Variants in NFXL1 observed in about 807,000 individuals in gnomAD.
NFXL1 encodes NF-X1-type zinc finger protein NFXL1.
A neutral mutation model predicts 123.3 loss-of-function variants in NFXL1; 66 were observed. The ratio of observed to expected loss-of-function variants is 0.54; its 90% CI spans 0.44 to 0.66. NFXL1 has a LOEUF of 0.66. Among genes scored for constraint, NFXL1 ranks in the 30% least tolerant of loss-of-function variants. NFXL1 has a pLI of 0.00. For missense variants in NFXL1, 944 were observed against 1,125.6 expected, an observed-to-expected ratio of 0.84 and a Z score of 2.31; for synonymous variants, 346 against 360.8, an observed-to-expected ratio of 0.96 and a Z score of 0.46.
intron 3 of NFXL1, 79 bp from the exon 4 acceptor site, chr4:47,905,425 G>GT (rs1277650320): frequency 5.7e-6 from 4 of 700,080 alleles, no homozygotes; most frequent in Non-Finnish European, 1.0e-5. Flanking sequence ...ACCATATTAT[G>GT]TAAGAACTGT....
chr4:47,878,962 A>G, intron 16 of NFXL1, 134 bp downstream of exon 16: 1 of 586,272 alleles, frequency 1.7e-6, no homozygotes, highest in East Asian at 3.3e-5. Context: ...ATTAGTAGAT[A>G]AACTCTTGTA....
At chr4:47,906,458 TG>T (rs1410369434) in intron 3 of NFXL1, among the ~76,000 whole-genome samples, 6 of 152,122 alleles carry the variant, frequency 3.9e-5, no homozygotes, top group African/African-American at 1.4e-4. Context: ...TACAAAAGCT[TG>T]CCCTACCATA....
At chr4:47,871,417 G>C (rs1221616178) in intron 18 of NFXL1, among the ~76,000 whole-genome samples, 1 of 151,754 alleles carries the variant, frequency 6.6e-6, no homozygotes, top group Non-Finnish European at 1.5e-5. Flanking sequence ...CTATGCTCTA[G>C]AATACTTTAT....
At chr4:47,896,690 TATTA>T in intron 9 of NFXL1, 43 bp from the exon 10 acceptor site, 6 of 1,417,772 alleles carry the variant, frequency 4.2e-6, no homozygotes, top group Non-Finnish European at 5.9e-6. Flanking sequence ...GAGACATTAT[TATTA>T]AACATCAACA....
chr4:47,900,196 A>G (rs1737299624), intron 5 of NFXL1, among the ~76,000 whole-genome samples: 2 of 152,078 alleles, frequency 1.3e-5, no homozygotes, highest in Non-Finnish European at 2.9e-5. Context: ...TCTAGCACAA[A>G]AAGACATATA....
At chr4:47,897,116 C>A (rs1313963731) in intron 9 of NFXL1, among the ~76,000 whole-genome samples, 3 of 151,976 alleles carry the variant, frequency 2.0e-5, no homozygotes, top group Non-Finnish European at 4.4e-5. Flanking sequence ...TCGAGGCCAG[C>A]CTGGGAAACA....
rs1198986493 is a variant in NFXL1 at position 47,914,020 on chromosome 4, T to G, written c.184A>C (p.Ser62Arg). The change falls in exon 2 of 23, where the codon AGC (serine) becomes CGC (arginine). Residue 62 changes from serine (S) to arginine (R), a missense_variant. This residue lies in a region of NFXL1 where 303 missense variants were observed against 292.1 expected (regional missense o/e 1.04). Coordinates refer to ENST00000507489, the MANE Select transcript of NFXL1 (RefSeq NM_001278624.2). ...GGVATTAAAG[S>R]RHSPAGSQAL... The stretch of plus-strand genomic sequence containing the variant: ...TGGGATCCTGCGGGGCTGTGCCTGC[T>G]CCCTGCAGCCGCCGTGGTCGCGACT... 6.5e-7 allele frequency: 1 copy of G among 1,548,700 alleles called. No homozygotes were observed. The highest frequency in any genetic ancestry group is 2.0e-5 in the Admixed American group (1 of 51,004).
At chr4:47,898,570 T>G (rs1737225995) in intron 8 of NFXL1, among the ~76,000 whole-genome samples, 187 bp downstream of exon 8, 1 of 152,134 alleles carries the variant, frequency 6.6e-6, no homozygotes, top group Non-Finnish European at 1.5e-5. Context: ...GAAAAAAATT[T>G]TTCCTCTAAT....
Position 47,895,678 on chromosome 4 carries a change from C to T in NFXL1, c.1329+845G>A, listed in dbSNP as rs141494637. Among the ~76,000 whole-genome samples, 448 of 152,276 alleles carry T rather than the reference C, an allele frequency of 2.9e-3. 2 individuals are homozygous for T. Among genetic ancestry groups the T allele is most frequent in the African/African-American group, 0.01 (427 of 41,542 alleles). On this transcript the variant is annotated intron_variant, in intron 10 of 22. Transcript: ENST00000507489. ...AAGGTAATATTATAGTTACTTTGAT[C>T]TTGTTTGCAGACCTCTAAATCTTCC...
intron 5 of NFXL1, among the ~76,000 whole-genome samples, chr4:47,901,546 C>G (rs1560603241): frequency 6.6e-6 from 1 of 152,106 alleles, no homozygotes; most frequent in Non-Finnish European, 1.5e-5. Context: ...AATTCCTCCA[C>G]CACCAGTAAA....
intron 20 of NFXL1, among the ~76,000 whole-genome samples, chr4:47,854,168 A>G (rs746281885): frequency 6.6e-6 from 1 of 152,184 alleles, no homozygotes; most frequent in Admixed American, 6.6e-5. Flanking sequence ...CTAGGAAAAC[A>G]TATCAGAAAC....
chr4:47,877,246 C>CA (rs984693934), intron 17 of NFXL1: 79 of 433,566 alleles, frequency 1.8e-4, no homozygotes, highest in African/African-American at 5.0e-4. Context: ...ATGGCAGAAA[C>CA]AAAAAAAATC....
chr4:47,914,215 A>AT lies in NFXL1; in HGVS notation c.-2-11_-2-10insA. On this transcript the variant is annotated splice_polypyrimidine_tract_variant and intron_variant, in intron 1 of 22. Coordinates refer to ENST00000507489, the MANE Select transcript of NFXL1 (RefSeq NM_001278624.2). ...CAGGAAGCTTCCATCCCTGCAAAGG[A>AT]GAAAAAAAAAAAAAAGAGTGGAAGG... 4.2e-6 allele frequency: 6 copies of AT among 1,416,342 alleles called. No individual in the cohort carries two copies. The highest frequency in any genetic ancestry group is 5.6e-6 in the Non-Finnish European group (6 of 1,076,344). The allele number at this position is 1,416,342 out of a possible 1,614,324, so 87.7% of individuals were successfully genotyped here. A position where few individuals can be genotyped will look rare whatever the true frequency, so the allele number is the denominator to read the frequency against.
chr4:47,908,952 CGCAA>C (rs1578043893), intron 3 of NFXL1, among the ~76,000 whole-genome samples: 3 of 60,440 alleles, frequency 5.0e-5, no homozygotes, highest in Non-Finnish European at 8.9e-5. Context: ...GAGACTCCGT[CGCAA>C]AAAAAAAAAA....
chr4:47,857,072 C>A (rs997337813), intron 19 of NFXL1, among the ~76,000 whole-genome samples: 1 of 151,996 alleles, frequency 6.6e-6, no homozygotes, highest in African/African-American at 2.4e-5. Context: ...AGTAACTAAC[C>A]CTTCCACTTC....
At chr4:47,898,486 A>C (rs570819559) in intron 8 of NFXL1, among the ~76,000 whole-genome samples, 1 of 152,278 alleles carries the variant, frequency 6.6e-6, no homozygotes, top group Non-Finnish European at 1.5e-5. Context: ...GGGGAAAGAG[A>C]AGAAGGGGAC....
At position 47,914,188 on chromosome 4, in the gene NFXL1, G is replaced by T. The variant is rs1333028858; in HGVS notation, c.16C>A (p.Arg6Ser). The T allele has an allele frequency of 1.3e-6, 2 of 1,515,474 alleles. No individual in the cohort carries two copies. The highest frequency in any genetic ancestry group is 2.1e-5 in the Admixed American group (1 of 47,954). 93.9% of individuals were successfully genotyped at this position (1,515,474 alleles called of 1,614,324 possible). The stretch of plus-strand genomic sequence containing the variant: ...CGGCCTCGGCCACCGGCCACCTGGC[G>T]CCAGGAAGCTTCCATCCCTGCAAAG... Reference protein sequence around the residue: MEASWRQVAGGRGRSR... With the variant: MEASWSQVAGGRGRSR... The change falls in exon 2 of 23, where the codon CGC (arginine) becomes AGC (serine). Residue 6 changes from arginine (R) to serine (S), a missense_variant. By Grantham distance (110) the Arg-to-Ser change is moderately radical (BLOSUM62 -1). Transcript: ENST00000507489.
At chr4:47,866,786 G>A (rs919683061) in intron 18 of NFXL1, among the ~76,000 whole-genome samples, 4 of 152,150 alleles carry the variant, frequency 2.6e-5, no homozygotes, top group Admixed American at 2.6e-4. Context: ...TAAATCAAAT[G>A]GTTTATGCTG....
intron 4 of NFXL1, among the ~76,000 whole-genome samples, chr4:47,904,243 C>T (rs1241924771): frequency 1.3e-5 from 2 of 152,154 alleles, no homozygotes; most frequent in African/African-American, 4.8e-5. Flanking sequence ...CTTGGACTGC[C>T]CAGCCCCACT....
Sources: gnomAD v4.1 joint callset for allele counts (sites outside exome capture counted in the v4.1 genomes callset) on GRCh38, gnomAD v4.1.1 for gene constraint, gnomAD v4.1.1 regional missense constraint, MANE v1.5 for transcripts, NCBI Gene and HGNC (gene_info 2026-07-23, HGNC 2026-07-21) for gene names.